The following SNTB1 variants were observed in gnomAD, a reference collection of about 807,000 sequenced individuals.
The protein encoded by SNTB1 is syntrophin beta 1.
Under a neutral mutation model 48.9 loss-of-function variants are expected in SNTB1, and 36 were observed. The ratio of observed to expected loss-of-function variants is 0.74; its 90% CI spans 0.56 to 0.97. The LOEUF is 0.97. SNTB1 is among the 50% of genes least tolerant of loss of function. The pLI is 0.00. For missense variants in SNTB1, 786 were observed against 703.4 expected, an observed-to-expected ratio of 1.12 and a Z score of -1.33; for synonymous variants, 299 against 294.6, an observed-to-expected ratio of 1.01 and a Z score of -0.15.
chr8:120,538,677 T>A lies in SNTB1; in HGVS notation c.*200A>T, dbSNP rs1006302749. 1 of 651,920 alleles carries A rather than the reference T, an allele frequency of 1.5e-6. No homozygotes were observed. The highest frequency in any genetic ancestry group is 3.0e-5 in the East Asian group (1 of 32,972). 40.4% of individuals were successfully genotyped at this position (651,920 alleles called of 1,614,324 possible). ...CTAGAAAGTTTTACTCTGATATTTC[T>A]CATGGTACTTTCGCAGGGTATCCCT... On this transcript the variant is annotated 3_prime_UTR_variant, in exon 7 of 7. Transcript: ENST00000517992.
chr8:120,548,413 T>C (rs1357823973), intron 5 of SNTB1, among the ~76,000 whole-genome samples: 1 of 152,216 alleles, frequency 6.6e-6, no homozygotes, highest in African/African-American at 2.4e-5. Context: ...CTGTGATAGA[T>C]TACTCGGAAT....
chr8:120,779,749 A>C (rs1819800746), intron 1 of SNTB1, among the ~76,000 whole-genome samples: 1 of 152,178 alleles, frequency 6.6e-6, no homozygotes, highest in Admixed American at 6.5e-5. Flanking sequence ...TAGATAAAAC[A>C]TTCGTCTGTT....
chr8:120,576,250 G>C (rs1815949086), intron 3 of SNTB1, among the ~76,000 whole-genome samples: 1 of 152,162 alleles, frequency 6.6e-6, no homozygotes, highest in Admixed American at 6.5e-5. Context: ...TTTTGACACT[G>C]ACAACTATCA....
At chr8:120,608,258 A>G (rs1320459774) in intron 3 of SNTB1, among the ~76,000 whole-genome samples, 1 of 152,244 alleles carries the variant, frequency 6.6e-6, no homozygotes, top group Non-Finnish European at 1.5e-5. Context: ...TGAACACATC[A>G]TATAGGATTA....
intron 1 of SNTB1, among the ~76,000 whole-genome samples, chr8:120,745,168 C>T (rs1426694920): frequency 1.3e-5 from 2 of 152,026 alleles, no homozygotes; most frequent in Non-Finnish European, 2.9e-5. Flanking sequence ...CTGCACAGAG[C>T]CACAAGTGTT....
intron 1 of SNTB1, among the ~76,000 whole-genome samples, chr8:120,801,462 C>G (rs1388437907): frequency 6.6e-6 from 1 of 151,894 alleles, no homozygotes; most frequent in African/African-American, 2.4e-5. Flanking sequence ...TTACTCTACA[C>G]CTGTCTCTCC....
chr8:120,591,361 C>T (rs528140635), intron 3 of SNTB1, among the ~76,000 whole-genome samples: 4 of 152,146 alleles, frequency 2.6e-5, no homozygotes, highest in Non-Finnish European at 4.4e-5. Flanking sequence ...AAATTGGTGA[C>T]TTTTTCATTA....
At chr8:120,658,182 T>C (rs563260415) in intron 2 of SNTB1, among the ~76,000 whole-genome samples, 5 of 152,304 alleles carry the variant, frequency 3.3e-5, no homozygotes, top group African/African-American at 1.2e-4. Context: ...TAAAGATGTG[T>C]TACCTGTAGA....
intron 3 of SNTB1, among the ~76,000 whole-genome samples, chr8:120,588,980 G>T (rs1337014843): frequency 6.6e-6 from 1 of 152,118 alleles, no homozygotes; most frequent in East Asian, 1.9e-4. Flanking sequence ...CCATCATAAT[G>T]TATATACCAC....
At chr8:120,793,133 T>A (rs939421747) in intron 1 of SNTB1, among the ~76,000 whole-genome samples, 2 of 151,226 alleles carry the variant, frequency 1.3e-5, no homozygotes, top group East Asian at 3.9e-4. Flanking sequence ...ATGGAATGAG[T>A]TAAAAAAAAA....
chr8:120,693,173 C>T (rs569369861), intron 2 of SNTB1, among the ~76,000 whole-genome samples: 21 of 152,206 alleles, frequency 1.4e-4, no homozygotes, highest in Admixed American at 4.6e-4. Flanking sequence ...TGCCTCGGGG[C>T]GGGCACCAAG....
chr8:120,638,905 T>A (rs578195284), intron 2 of SNTB1, among the ~76,000 whole-genome samples: 1 of 152,380 alleles, frequency 6.6e-6, no homozygotes, highest in South Asian at 2.1e-4. Flanking sequence ...TTTATAATCC[T>A]TTGGGTATAT....
intron 1 of SNTB1, among the ~76,000 whole-genome samples, chr8:120,749,514 C>G (rs920856204): frequency 6.6e-6 from 1 of 151,994 alleles, no homozygotes; most frequent in Non-Finnish European, 1.5e-5. Flanking sequence ...CTCTATGTAT[C>G]TACGTGATGT....
intron 2 of SNTB1, among the ~76,000 whole-genome samples, chr8:120,687,410 AGGGAAGGGCCACATGG>A: frequency 6.6e-6 from 1 of 152,320 alleles, no homozygotes; most frequent in East Asian, 1.9e-4. Context: ...ATCAAAGGGC[AGGGAAGGGCCACATGG>A]GAAACCTCAG....
intron 1 of SNTB1, among the ~76,000 whole-genome samples, chr8:120,709,575 T>C (rs74450035): frequency 0.074 from 11,309 of 152,240 alleles, 416 homozygotes; most frequent in Admixed American, 0.1. Flanking sequence ...CATCTTTTAA[T>C]TTTCACAACC....
At chr8:120,784,003 G>GT (rs961394194) in intron 1 of SNTB1, among the ~76,000 whole-genome samples, 8 of 151,386 alleles carry the variant, frequency 5.3e-5, no homozygotes, top group Non-Finnish European at 7.4e-5. Flanking sequence ...GTTTTGTTTT[G>GT]TTTTTTTTGA....
At chr8:120,710,739 T>G (rs1347572025) in intron 1 of SNTB1, among the ~76,000 whole-genome samples, 4 of 152,160 alleles carry the variant, frequency 2.6e-5, no homozygotes, top group Admixed American at 2.6e-4. Context: ...GGGAATGAGA[T>G]CCTCCCCAGA....
At chr8:120,596,663 T>C (rs561480435) in intron 3 of SNTB1, among the ~76,000 whole-genome samples, 1 of 152,338 alleles carries the variant, frequency 6.6e-6, no homozygotes, top group East Asian at 1.9e-4. Context: ...ATTCCCAGTT[T>C]CTAGAGGTTG....
intron 1 of SNTB1, among the ~76,000 whole-genome samples, chr8:120,713,397 G>C (rs1444873441): frequency 6.6e-6 from 1 of 152,100 alleles, no homozygotes; most frequent in African/African-American, 2.4e-5. Flanking sequence ...AGTAGCTGCT[G>C]ATCTGTTTTC....
Sources: allele counts gnomAD v4.1 joint callset (sites outside exome capture counted in the v4.1 genomes callset), GRCh38; gene constraint gnomAD v4.1.1; transcripts MANE v1.5; gene names NCBI Gene and HGNC (gene_info 2026-07-23, HGNC 2026-07-21).